Variants in ERC2 observed in about 807,000 individuals in gnomAD.
ERC2 encodes ERC protein 2.
In ERC2, 42 loss-of-function variants were observed where a neutral mutation model predicts 114.8. The ratio of observed to expected loss-of-function variants is 0.37; its 90% confidence interval spans 0.29 to 0.47. The LOEUF is 0.47. Ranked by LOEUF, ERC2 falls within the 20% of genes least tolerant of loss-of-function variation. The pLI is 0.99. For synonymous variants in ERC2, 454 were observed against 425.5 expected, an observed-to-expected ratio of 1.07 and a Z score of -0.82; for missense variants, 939 against 1,150.7, an observed-to-expected ratio of 0.82 and a Z score of 2.66.
intron 12 of ERC2, among the ~76,000 whole-genome samples, chr3:55,965,452 G>C (rs548317255): frequency 6.6e-6 from 1 of 152,256 alleles, no homozygotes; most frequent in African/African-American, 2.4e-5. Flanking sequence ...ATTAACCAAT[G>C]TCCATATTAT....
rs137897563 is a variant in ERC2 at position 55,645,271 on chromosome 3, G to A, written c.*39+38523C>T. Among the ~76,000 whole-genome samples the A allele has an allele frequency of 3.1e-3, 472 of 152,266 alleles. 2 individuals are homozygous for A. Among genetic ancestry groups the A allele is most frequent in the African/African-American group, 0.011 (439 of 41,540 alleles). ...ATTTGGCCCATGTCTTCCCAATCAG[G>A]TTGTGTGAGGGCACCACGTGACCTC... On this transcript the variant is annotated intron_variant, in intron 17 of 17. Transcript: ENST00000288221.
intron 13 of ERC2, among the ~76,000 whole-genome samples, chr3:55,916,746 C>T (rs2065119430): frequency 6.6e-6 from 1 of 152,110 alleles, no homozygotes; most frequent in South Asian, 2.1e-4. Flanking sequence ...TATAATATGG[C>T]CTGGCTGACT....
intron 10 of ERC2, among the ~76,000 whole-genome samples, chr3:55,995,973 G>A (rs1295440068): frequency 1.3e-5 from 2 of 152,112 alleles, no homozygotes; most frequent in African/African-American, 4.8e-5. Flanking sequence ...AACAACATGA[G>A]TTCTTTAATC....
intron 2 of ERC2, among the ~76,000 whole-genome samples, chr3:56,311,309 T>A (rs1291944916): frequency 7.0e-6 from 1 of 142,256 alleles, no homozygotes; most frequent in East Asian, 2.0e-4. Context: ...ATATATAATT[T>A]TTTTTTTTAA....
chr3:55,969,303 G>C (rs1226097357), intron 12 of ERC2, among the ~76,000 whole-genome samples: 1 of 152,042 alleles, frequency 6.6e-6, no homozygotes, highest in Non-Finnish European at 1.5e-5. Flanking sequence ...TGGAAAGAGA[G>C]ATCATGTGCT....
intron 14 of ERC2, among the ~76,000 whole-genome samples, chr3:55,879,078 TC>T: frequency 1.1e-5 from 1 of 89,122 alleles, no homozygotes; most frequent in Admixed American, 1.6e-4. Context: ...CTTTTTCTTT[TC>T]TTTTTTTTTC....
chr3:55,910,402 C>CAAAAAAACA (rs2064731053), intron 13 of ERC2, among the ~76,000 whole-genome samples: 1 of 149,936 alleles, frequency 6.7e-6, no homozygotes, highest in Admixed American at 6.6e-5. Context: ...AACAAAAAAA[C>CAAAAAAACA]AAAAAAACAA....
At chr3:56,048,012 A>G (rs1214586087) in intron 7 of ERC2, among the ~76,000 whole-genome samples, 2 of 152,190 alleles carry the variant, frequency 1.3e-5, no homozygotes, top group Non-Finnish European at 2.9e-5. Context: ...GTGAATCCCT[A>G]TGTAGTACCC....
chr3:55,714,661 GTGTGTGTATATA>G (rs2063980832), intron 15 of ERC2, among the ~76,000 whole-genome samples: 6 of 71,742 alleles, frequency 8.4e-5, no homozygotes, highest in African/African-American at 2.9e-4. Context: ...GTGTGTGTGT[GTGTGTGTATATA>G]TATATATATA....
intron 15 of ERC2, among the ~76,000 whole-genome samples, chr3:55,707,446 A>C (rs2063549707): frequency 6.6e-6 from 1 of 152,188 alleles, no homozygotes; most frequent in Non-Finnish European, 1.5e-5. Flanking sequence ...CTCAAAAAAA[A>C]ACATTGCTTT....
chr3:55,852,377 A>T (rs1358649734), intron 14 of ERC2: 1 of 154,778 alleles, frequency 6.5e-6, no homozygotes, highest in African/African-American at 2.4e-5. Context: ...TTTATAGGTA[A>T]GATAAATATG....
chr3:56,252,881 C>G (rs1051690246), intron 3 of ERC2, among the ~76,000 whole-genome samples: 4 of 151,318 alleles, frequency 2.6e-5, no homozygotes, highest in Non-Finnish European at 2.9e-5. Context: ...ATCCTGAAAA[C>G]TTAAATAGAT....
intron 17 of ERC2, among the ~76,000 whole-genome samples, chr3:55,603,976 C>G (rs780132326): frequency 2.4e-4 from 37 of 151,976 alleles, no homozygotes; most frequent in African/African-American, 7.0e-4. Flanking sequence ...TGATTTCACC[C>G]CCCCCAGCAT....
At chr3:55,840,824 T>C (rs895352530) in intron 14 of ERC2, among the ~76,000 whole-genome samples, 3 of 152,080 alleles carry the variant, frequency 2.0e-5, no homozygotes, top group Non-Finnish European at 2.9e-5. Flanking sequence ...TCATGTAACA[T>C]GGATGAGTGA....
chr3:56,136,730 C>CA (rs1485119821), intron 6 of ERC2, among the ~76,000 whole-genome samples: 1 of 152,062 alleles, frequency 6.6e-6, no homozygotes, highest in Non-Finnish European at 1.5e-5. Context: ...AGAGCAATTT[C>CA]AACCTAAATT....
chr3:55,969,515 A>G (rs549755716), intron 12 of ERC2, among the ~76,000 whole-genome samples: 5 of 152,260 alleles, frequency 3.3e-5, no homozygotes, highest in Non-Finnish European at 7.4e-5. Context: ...TGCAGTGACA[A>G]CTGAAGAACA....
intron 17 of ERC2, among the ~76,000 whole-genome samples, chr3:55,590,020 A>G (rs2057794706): frequency 6.6e-6 from 1 of 152,232 alleles, no homozygotes; most frequent in Admixed American, 6.5e-5. Flanking sequence ...CTTTTAAAAA[A>G]TCATGTATAT....
rs1350482564 is a variant in ERC2 at position 55,613,937 on chromosome 3, C to T, written c.*39+69857G>A. ...GGCAGAGGTTGCAGTAAGCCAGGAT[C>T]GTGCCACTACACTCCAGCCTGGGAG... is the stretch of plus-strand genomic sequence containing the variant. On this transcript the variant is annotated intron_variant, in intron 17 of 17. Coordinates refer to ENST00000288221, the MANE Select transcript of ERC2 (RefSeq NM_015576.3). Among the ~76,000 whole-genome samples the T allele has an allele frequency of 4.5e-5, 6 of 133,664 alleles. No homozygotes were observed. The Admixed American group carries it at 5.3e-4, about 12-fold the overall frequency. The allele number at this position is 133,664 out of a possible 152,430, so 87.7% of individuals were successfully genotyped here. A position where few individuals can be genotyped will look rare whatever the true frequency, so the allele number is the denominator to read the frequency against.
chr3:55,513,685 G>A (rs1166505357), intron 17 of ERC2, among the ~76,000 whole-genome samples: 1 of 152,060 alleles, frequency 6.6e-6, no homozygotes, highest in Non-Finnish European at 1.5e-5. Flanking sequence ...CCAGGCTGGA[G>A]TGCAGTGGTG....
Sources: allele counts gnomAD v4.1 joint callset (sites outside exome capture counted in the v4.1 genomes callset), GRCh38; gene constraint gnomAD v4.1.1; transcripts MANE v1.5; gene names NCBI Gene and HGNC (gene_info 2026-07-23, HGNC 2026-07-21).